The following ESRRG variants were observed in gnomAD, a reference collection of about 807,000 sequenced individuals.
ESRRG encodes estrogen-related receptor gamma.
Under a neutral mutation model 44.0 loss-of-function variants are expected in ESRRG, and 13 were observed. That is an observed-to-expected ratio of 0.30 (90% confidence interval 0.19 to 0.47). The LOEUF is 0.47. Ranked by LOEUF, ESRRG falls within the 20% of genes least tolerant of loss-of-function variation. The pLI, the probability that ESRRG is intolerant of heterozygous loss-of-function variation, is 1.00. For synonymous variants in ESRRG, 215 were observed against 214.6 expected, an observed-to-expected ratio of 1.00 and a Z score of -0.02; for missense variants, 395 against 580.6, an observed-to-expected ratio of 0.68 and a Z score of 3.29.
chr1:216,843,918 C>A (rs2148900788), intron 2 of ESRRG, among the ~76,000 whole-genome samples: 1 of 148,020 alleles, frequency 6.8e-6, no homozygotes, highest in African/African-American at 2.5e-5. Context: ...TGAAATAACT[C>A]TTTTTTAATC....
At chr1:217,074,451 C>CAA (rs140445948) in intron 1 of ESRRG, among the ~76,000 whole-genome samples, 24,969 of 143,898 alleles carry the variant, frequency 0.17, 2,589 homozygotes, top group East Asian at 0.57. Context: ...TCCACCCCCC[C>CAA]CAAAAAAAAA....
At chr1:217,062,535 C>T (rs779343964) in intron 1 of ESRRG, among the ~76,000 whole-genome samples, 5 of 152,092 alleles carry the variant, frequency 3.3e-5, no homozygotes, top group Admixed American at 6.6e-5. Context: ...AAAATAATGT[C>T]CACAAGTCAG....
At chr1:216,631,360 C>T (rs1180955782) in intron 3 of ESRRG, among the ~76,000 whole-genome samples, 3 of 152,144 alleles carry the variant, frequency 2.0e-5, no homozygotes, top group Admixed American at 2.0e-4. Flanking sequence ...TCATGGGCTA[C>T]TTATTATCTT....
rs34752392 is a variant in ESRRG at position 216,793,959 on chromosome 1, ATTTT to A, written c.-13-116472_-13-116469del. 7.2e-4 allele frequency among the ~76,000 whole-genome samples: 103 copies of A among 143,940 alleles called. 1 individual carries two copies. Among genetic ancestry groups the A allele is most frequent in the Middle Eastern group, 3.7e-3 (1 of 272 alleles). The allele number at this position is 143,940 out of a possible 152,430, so 94.4% of individuals were successfully genotyped here. The stretch of plus-strand genomic sequence containing the variant: ...TTCCAGACTTCTGGCTTAACTAAGG[ATTTT>A]TTTTTTTTTTTTTTAATACTGTGGT... On this transcript the variant is annotated intron_variant, in intron 2 of 7. Coordinates refer to the ESRRG transcript ENST00000359162.
chr1:216,537,646 G>A (rs1255176717), intron 5 of ESRRG, among the ~76,000 whole-genome samples: 1 of 151,964 alleles, frequency 6.6e-6, no homozygotes, highest in Non-Finnish European at 1.5e-5. Flanking sequence ...AGTCACTGGG[G>A]GCTTTGAACA....
Position 216,762,711 on chromosome 1 carries a change from A to T in ESRRG, c.-13-85220T>A, listed in dbSNP as rs571220819. 2.9e-3 allele frequency among the ~76,000 whole-genome samples: 434 copies of T among 151,648 alleles called. 2 individuals are homozygous for T. The highest frequency in any genetic ancestry group is 9.8e-3 in the African/African-American group (405 of 41,416). Reference sequence around the variant, plus strand: ...CCTAAAACTTAAAGTATAATAATAAAAAATAAATAAATAAATAAATAAAAA... The same window carrying T: ...CCTAAAACTTAAAGTATAATAATAATAAATAAATAAATAAATAAATAAAAA... On this transcript the variant is annotated intron_variant, in intron 2 of 7. Transcript: ENST00000359162.
chr1:217,075,191 G>A (rs200274378), intron 1 of ESRRG, among the ~76,000 whole-genome samples: 3 of 152,170 alleles, frequency 2.0e-5, no homozygotes, highest in Non-Finnish European at 4.4e-5. Context: ...CATGTTGTTC[G>A]AGGGTCAAGA....
chr1:216,625,765 C>T (rs1004812282), intron 3 of ESRRG, among the ~76,000 whole-genome samples: 7 of 152,156 alleles, frequency 4.6e-5, no homozygotes, highest in African/African-American at 1.7e-4. Flanking sequence ...ATCAAATGAG[C>T]TTCTACATAC....
chr1:216,576,351 T>TA (rs397720172), intron 3 of ESRRG, among the ~76,000 whole-genome samples: 8 of 147,494 alleles, frequency 5.4e-5, no homozygotes, highest in African/African-American at 2.0e-4. Flanking sequence ...TTTTTTTTTT[T>TA]AAACAGAGTC....
chr1:216,581,991 C>T (rs11572751), intron 3 of ESRRG, among the ~76,000 whole-genome samples: 4,552 of 152,226 alleles, frequency 0.03, 198 homozygotes, highest in African/African-American at 0.1. Context: ...TGACAATTGG[C>T]TGGTTACATT....
At chr1:216,559,420 T>C (rs1232078713) in intron 5 of ESRRG, among the ~76,000 whole-genome samples, 1 of 152,208 alleles carries the variant, frequency 6.6e-6, no homozygotes, top group Non-Finnish European at 1.5e-5. Flanking sequence ...GGTGGAAACT[T>C]GGAGCCAGTT....
At chr1:217,049,988 A>G (rs1034851864) in intron 1 of ESRRG, among the ~76,000 whole-genome samples, 7 of 152,240 alleles carry the variant, frequency 4.6e-5, no homozygotes, top group African/African-American at 1.7e-4. Flanking sequence ...GAACAAGAGC[A>G]GAAGTATGAG....
chr1:216,531,606 G>C (rs753009074), intron 5 of ESRRG, among the ~76,000 whole-genome samples: 8 of 152,042 alleles, frequency 5.3e-5, no homozygotes, highest in Non-Finnish European at 1.0e-4. Flanking sequence ...CACAGCTCTC[G>C]GAATTCCTCA....
intron 1 of ESRRG, among the ~76,000 whole-genome samples, chr1:216,973,860 A>G (rs2072281380): frequency 6.6e-6 from 1 of 151,802 alleles, no homozygotes; most frequent in Non-Finnish European, 1.5e-5. Context: ...AGGATGAATG[A>G]ATGAATAGAT....
At chr1:217,130,865 T>C (rs1353014362) in intron 1 of ESRRG, among the ~76,000 whole-genome samples, 1 of 149,792 alleles carries the variant, frequency 6.7e-6, no homozygotes, top group Admixed American at 6.7e-5. Flanking sequence ...ACATACATTT[T>C]CTCCCACGAA....
At chr1:217,038,161 G>C (rs1028871836) in intron 1 of ESRRG, among the ~76,000 whole-genome samples, 1 of 152,166 alleles carries the variant, frequency 6.6e-6, no homozygotes, top group East Asian at 1.9e-4. Flanking sequence ...GCTCCACTAG[G>C]CAGTGCCCCA....
chr1:217,130,114 A>G (rs1483159576), intron 1 of ESRRG, among the ~76,000 whole-genome samples: 1 of 152,224 alleles, frequency 6.6e-6, no homozygotes, highest in African/African-American at 2.4e-5. Context: ...CATCTAGAAG[A>G]TAGCAGCTGA....
chr1:216,929,499 G>A (rs1055313990), intron 2 of ESRRG, among the ~76,000 whole-genome samples: 1 of 152,144 alleles, frequency 6.6e-6, no homozygotes, highest in African/African-American at 2.4e-5. Context: ...AGCTGGGAGA[G>A]GGAGTGCTTG....
intron 2 of ESRRG, among the ~76,000 whole-genome samples, chr1:216,895,427 A>T (rs1202251267): frequency 1.3e-5 from 2 of 152,208 alleles, no homozygotes; most frequent in Non-Finnish European, 2.9e-5. Flanking sequence ...AATTAGGGTG[A>T]AAAAATCTTT....
Sources: gnomAD v4.1 joint callset for allele counts (sites outside exome capture counted in the v4.1 genomes callset) on GRCh38, gnomAD v4.1.1 for gene constraint, MANE v1.5 for transcripts, NCBI Gene and HGNC (gene_info 2026-07-23, HGNC 2026-07-21) for gene names.